Variants in PARD6G observed in about 807,000 individuals in gnomAD.
The protein encoded by PARD6G is partitioning defective 6 homolog gamma.
In PARD6G, 7 loss-of-function variants were observed where a neutral mutation model predicts 10.7. That is an observed-to-expected ratio of 0.66 (90% CI 0.37 to 1.23). The LOEUF (loss-of-function observed/expected upper bound fraction) is 1.23, where lower values mean the gene tolerates loss of function less well. Ranked by LOEUF, PARD6G falls within the 50% of genes most tolerant of loss-of-function variation. PARD6G has a pLI of 0.02. For missense variants in PARD6G, 548 were observed against 571.8 expected (o/e 0.96, Z 0.42); for synonymous variants, 287 against 269.4 (o/e 1.07, Z -0.64).
intron 1 of PARD6G, among the ~76,000 whole-genome samples, chr18:80,244,834 T>C (rs550894503): frequency 6.6e-6 from 1 of 152,194 alleles, no homozygotes; most frequent in African/African-American, 2.4e-5. Context: ...CGGCTCCCTA[T>C]GGAGATAGAT....
chr18:80,159,627 GT>G lies in PARD6G; in HGVS notation c.*143del, dbSNP rs2145237035. 2 of 1,228,680 alleles carry G rather than the reference GT, an allele frequency of 1.6e-6. No homozygotes were observed. Among genetic ancestry groups the G allele is most frequent in the South Asian group, 2.7e-5 (1 of 37,332 alleles). 76.1% of individuals were successfully genotyped at this position (1,228,680 alleles called of 1,614,324 possible). On this transcript the variant is annotated 3_prime_UTR_variant, in exon 3 of 3. Coordinates refer to ENST00000353265, the MANE Select transcript of PARD6G (RefSeq NM_032510.4). ...TTCTATAAAAATAGGCAATACTTGT[GT>G]TTTTATATCCGGAAGTTGAAACAAA...
In PARD6G at chr18:80,157,667, G is replaced by C. The variant is rs142235169; in HGVS notation, c.*2104C>G. 6.6e-5 allele frequency: 10 copies of C among 152,296 alleles called. No individual in the cohort carries two copies. Among genetic ancestry groups the C allele is most frequent in the Non-Finnish European group, 1.2e-4 (8 of 68,042 alleles). The allele number at this position is 152,296 out of a possible 1,614,324, so 9.4% of individuals were successfully genotyped here. A position where few individuals can be genotyped will look rare whatever the true frequency, so the allele number is the denominator to read the frequency against. Reference sequence around the variant, plus strand: ...TGCCCTTCATCAGAGAGCAAGTCCGGGGGGTGCGGATCCTCACCGGAGAGG... The same window carrying C: ...TGCCCTTCATCAGAGAGCAAGTCCGCGGGGTGCGGATCCTCACCGGAGAGG... On this transcript the variant is annotated 3_prime_UTR_variant, in exon 3 of 3. Coordinates refer to ENST00000353265, the MANE Select transcript of PARD6G (RefSeq NM_032510.4).
At chr18:80,207,867 A>G (rs184857562) in intron 1 of PARD6G, among the ~76,000 whole-genome samples, 65 of 152,338 alleles carry the variant, frequency 4.3e-4, no homozygotes, top group African/African-American at 1.5e-3. Context: ...ATTAGAATAA[A>G]ATATTAGGAC....
At chr18:80,230,395 G>C (rs1967344620) in intron 1 of PARD6G, among the ~76,000 whole-genome samples, 1 of 152,206 alleles carries the variant, frequency 6.6e-6, no homozygotes, top group Non-Finnish European at 1.5e-5. Flanking sequence ...TTGGAGCGTG[G>C]GACTCGGCAG....
chr18:80,193,813 C>T (rs1344571225), intron 2 of PARD6G, among the ~76,000 whole-genome samples: 1 of 152,190 alleles, frequency 6.6e-6, no homozygotes, highest in Non-Finnish European at 1.5e-5. Context: ...ATCCCTGCCA[C>T]ACACCATCAT....
At chr18:80,217,809 G>A (rs1169722817) in intron 1 of PARD6G, among the ~76,000 whole-genome samples, 2 of 152,068 alleles carry the variant, frequency 1.3e-5, no homozygotes, top group African/African-American at 4.8e-5. Context: ...AAAGGAAAGA[G>A]GTTTTACTGA....
At chr18:80,177,595 TACACACAA>T (rs1417301280) in intron 2 of PARD6G, among the ~76,000 whole-genome samples, 3 of 138,954 alleles carry the variant, frequency 2.2e-5, no homozygotes, top group Non-Finnish European at 4.6e-5. Context: ...CACACATGCA[TACACACAA>T]ACACACAGAC....
At chr18:80,233,582 C>G (rs1187004589) in intron 1 of PARD6G, among the ~76,000 whole-genome samples, 1 of 152,202 alleles carries the variant, frequency 6.6e-6, no homozygotes, top group African/African-American at 2.4e-5. Context: ...CAGGGAGGCC[C>G]CTGAGCCACG....
chr18:80,216,883 G>A (rs1967173060), intron 1 of PARD6G, among the ~76,000 whole-genome samples: 2 of 152,066 alleles, frequency 1.3e-5, no homozygotes, highest in Non-Finnish European at 2.9e-5. Context: ...AGAAAATAAT[G>A]AGAGAAGATT....
chr18:80,189,396 A>AC lies in PARD6G; in HGVS notation c.295+13313dup, dbSNP rs552904060. 2 of 152,384 alleles carry AC rather than the reference A, an allele frequency of 1.3e-5. No individual in the cohort carries two copies. Among genetic ancestry groups the AC allele is most frequent in the South Asian group, 4.1e-4 (2 of 4,826 alleles). The allele number at this position is 152,384 out of a possible 1,614,324, so 9.4% of individuals were successfully genotyped here. ...GCCACTGCGCCACCGCAGCTGTGGG[A>AC]CCGTATCTCTGGATGATAAGCTGAG... On this transcript the variant is annotated intron_variant, in intron 2 of 2. Coordinates refer to ENST00000353265, the MANE Select transcript of PARD6G (RefSeq NM_032510.4). This position sits in a 1 kb window ranked among gnomAD's most constrained non-coding sequence, Gnocchi z 5.5.
Position 80,189,961 on chromosome 18 carries a change from T to C in PARD6G, c.295+12749A>G, listed in dbSNP as rs1240260835. Among the ~76,000 whole-genome samples the C allele has an allele frequency of 6.6e-6, 1 of 152,166 alleles. No homozygotes were observed. The highest frequency in any genetic ancestry group is 6.5e-5 in the Admixed American group (1 of 15,284). On this transcript the variant is annotated intron_variant, in intron 2 of 2. Transcript: ENST00000353265. The surrounding 1 kb of genome is among the most constrained non-coding windows in gnomAD (Gnocchi z 5.5). Reference sequence around the variant, plus strand: ...GTTTTTTAGTATATTCAGTGTTGTGTAACCACCACCACCACCTAATTCTGG... The same window carrying C: ...GTTTTTTAGTATATTCAGTGTTGTGCAACCACCACCACCACCTAATTCTGG...
chr18:80,185,740 A>C (rs544729904), intron 2 of PARD6G, among the ~76,000 whole-genome samples: 2 of 146,756 alleles, frequency 1.4e-5, no homozygotes, highest in Non-Finnish European at 3.0e-5. Flanking sequence ...ATATACACTC[A>C]GACATGCTCG....
At chr18:80,186,319 A>G (rs2052877289) in intron 2 of PARD6G, among the ~76,000 whole-genome samples, 1 of 140,846 alleles carries the variant, frequency 7.1e-6, no homozygotes, top group Non-Finnish European at 1.5e-5. Flanking sequence ...ATGCACCCTC[A>G]CATGCTTGCA....
At position 80,238,568 on chromosome 18, in the gene PARD6G, A is replaced by G. The variant is rs759223620; in HGVS notation, c.72+8709T>C. Reference sequence around the variant, plus strand: ...AAACAAAAAACTGGTCTGGCGATAGAGACCCTAATAGTGGTTACCTCGGGG... The same window carrying G: ...AAACAAAAAACTGGTCTGGCGATAGGGACCCTAATAGTGGTTACCTCGGGG... On this transcript the variant is annotated intron_variant, in intron 1 of 2. Coordinates refer to ENST00000353265, the MANE Select transcript of PARD6G (RefSeq NM_032510.4). Among the ~76,000 whole-genome samples the G allele has an allele frequency of 4.6e-5, 7 of 152,140 alleles. No homozygotes were observed. The South Asian group carries it at 8.3e-4, about 18-fold the overall frequency.
rs761101177 is a variant in PARD6G at position 80,160,386 on chromosome 18, G to A, written c.516C>T (p.Phe172=). 2.6e-5 allele frequency: 42 copies of A among 1,607,890 alleles called. No homozygotes were observed. Among genetic ancestry groups the A allele is most frequent in the Non-Finnish European group, 3.2e-5 (38 of 1,178,004 alleles). ...HRHGCEKPLG[F]YIRDGASVRV... ...GCACGCTGGCGCCATCGCGGATGTAGAAGCCCAGCGGCTTCTCGCAGCCGT... is the reference window on the plus strand; with the variant it reads ...GCACGCTGGCGCCATCGCGGATGTAAAAGCCCAGCGGCTTCTCGCAGCCGT... Residue 172 remains phenylalanine (F), a synonymous_variant, in exon 3 of 3, where the codon TTC becomes TTT. Transcript: ENST00000353265.
Position 80,177,783 on chromosome 18 carries a change from C to T in PARD6G, c.296-17177G>A, listed in dbSNP as rs533023738. Among the ~76,000 whole-genome samples the T allele has an allele frequency of 1.7e-3, 260 of 150,450 alleles. 4 individuals carry two copies. The South Asian group carries it at 0.019, about 11-fold the overall frequency. On this transcript the variant is annotated intron_variant, in intron 2 of 2. Coordinates refer to ENST00000353265, the MANE Select transcript of PARD6G (RefSeq NM_032510.4). Reference sequence around the variant, plus strand: ...CACGCACCCACGAGATAAATCAATGCCCAAATGGGAAGCACACACACACAT... The same window carrying T: ...CACGCACCCACGAGATAAATCAATGTCCAAATGGGAAGCACACACACACAT...
At chr18:80,186,578 C>A (rs1405074852) in intron 2 of PARD6G, among the ~76,000 whole-genome samples, 1 of 151,802 alleles carries the variant, frequency 6.6e-6, no homozygotes, top group Non-Finnish European at 1.5e-5. Context: ...CCCTTGCACA[C>A]CCCCCCAAAG....
intron 1 of PARD6G, among the ~76,000 whole-genome samples, chr18:80,223,848 A>C (rs1000222386): frequency 6.6e-6 from 1 of 152,230 alleles, no homozygotes; most frequent in Non-Finnish European, 1.5e-5. Context: ...CAACCCATTT[A>C]GAAGATGAAG....
intron 2 of PARD6G, among the ~76,000 whole-genome samples, chr18:80,193,879 G>A (rs541808455): frequency 1.1e-4 from 17 of 152,170 alleles, no homozygotes; most frequent in Non-Finnish European, 2.1e-4. Context: ...CTGCCTGTGT[G>A]TGTCAAGTGC....
Sources: gnomAD v4.1 joint callset for allele counts (sites outside exome capture counted in the v4.1 genomes callset) on GRCh38, gnomAD v4.1.1 for gene constraint, Gnocchi (gnomAD v3.1) non-coding constraint, MANE v1.5 for transcripts, NCBI Gene and HGNC (gene_info 2026-07-23, HGNC 2026-07-21) for gene names.